The following PRKCB variants were observed in gnomAD, a reference collection of about 807,000 sequenced individuals.
PRKCB encodes the protein protein kinase C beta.
PRKCB carries 13 observed loss-of-function variants against 81.5 expected under a neutral mutation model. The observed-to-expected ratio is 0.16, with a 90% confidence interval of 0.10 to 0.25. The LOEUF is 0.25. Ranked by LOEUF, PRKCB falls within the 10% of genes least tolerant of loss-of-function variation. The pLI is 1.00. For synonymous variants in PRKCB, 335 were observed against 321.4 expected, an observed-to-expected ratio of 1.04 and a Z score of -0.45; for missense variants, 509 against 875.7, an observed-to-expected ratio of 0.58 and a Z score of 5.29.
At chr16:23,858,253 A>C (rs1962604805) in intron 2 of PRKCB, among the ~76,000 whole-genome samples, 1 of 152,230 alleles carries the variant, frequency 6.6e-6, no homozygotes, top group Non-Finnish European at 1.5e-5. Context: ...AGAGAAGATA[A>C]AACATTTGCT....
intron 5 of PRKCB, among the ~76,000 whole-genome samples, chr16:24,043,550 C>A (rs1159971890): frequency 6.6e-6 from 1 of 152,096 alleles, no homozygotes; most frequent in Non-Finnish European, 1.5e-5. Flanking sequence ...GGGTCTCTTG[C>A]CCATCCTTCC....
intron 2 of PRKCB, among the ~76,000 whole-genome samples, chr16:23,916,347 G>A (rs1963739623): frequency 6.6e-6 from 1 of 151,428 alleles, no homozygotes; most frequent in Non-Finnish European, 1.5e-5. Flanking sequence ...ACAGGCTTGA[G>A]CACCATGCTC....
intron 5 of PRKCB, among the ~76,000 whole-genome samples, chr16:24,083,666 G>T (rs1396456895): frequency 6.6e-6 from 1 of 152,128 alleles, no homozygotes; most frequent in African/African-American, 2.4e-5. Flanking sequence ...GTGGTTGCCA[G>T]GGGCTGAGGA....
chr16:23,975,864 A>C (rs762275379), intron 2 of PRKCB, among the ~76,000 whole-genome samples: 4 of 127,996 alleles, frequency 3.1e-5, no homozygotes, highest in African/African-American at 5.2e-5. Context: ...CACAAGAGAC[A>C]AAAAAAACAA....
intron 5 of PRKCB, among the ~76,000 whole-genome samples, chr16:24,043,625 G>T (rs1488114754): frequency 6.6e-6 from 1 of 152,144 alleles, no homozygotes. Context: ...TGGGATACTG[G>T]ACCTAAGGAG....
chr16:24,138,916 A>C (rs1460811989), intron 9 of PRKCB, among the ~76,000 whole-genome samples: 4 of 145,474 alleles, frequency 2.7e-5, no homozygotes, highest in Non-Finnish European at 4.5e-5. Context: ...GCAATGGCAC[A>C]ATCTCGGCTC....
At chr16:24,185,635 A>G (rs535490111) in intron 15 of PRKCB, 68 bp downstream of exon 15, 10 of 1,314,336 alleles carry the variant, frequency 7.6e-6, no homozygotes, top group Admixed American at 5.2e-5. Context: ...ACCTTGCCCA[A>G]GAACACCCCA....
At chr16:24,119,111 A>C (rs1313786807) in intron 8 of PRKCB, among the ~76,000 whole-genome samples, 1 of 139,480 alleles carries the variant, frequency 7.2e-6, no homozygotes, top group East Asian at 2.2e-4. Flanking sequence ...GACCAGACCA[A>C]CAGGGTTATC....
At chr16:23,924,240 C>G (rs1597247864) in intron 2 of PRKCB, among the ~76,000 whole-genome samples, 1 of 152,052 alleles carries the variant, frequency 6.6e-6, no homozygotes, top group East Asian at 1.9e-4. Context: ...GTGAGAAGGT[C>G]CAAGCTTGCT....
intron 2 of PRKCB, among the ~76,000 whole-genome samples, chr16:23,838,935 A>C (rs1386588892): frequency 1.3e-5 from 2 of 152,234 alleles, no homozygotes; most frequent in Non-Finnish European, 2.9e-5. Flanking sequence ...ATTGTTTTCT[A>C]GAACTTTGAC....
chr16:23,936,621 CAG>C (rs1460148712), intron 2 of PRKCB, among the ~76,000 whole-genome samples: 1 of 126,278 alleles, frequency 7.9e-6, no homozygotes, highest in Non-Finnish European at 1.6e-5. Context: ...TTGGTAGAGA[CAG>C]AGTTTCACCA....
At chr16:24,132,885 A>G (rs938410979) in intron 9 of PRKCB, among the ~76,000 whole-genome samples, 6 of 150,626 alleles carry the variant, frequency 4.0e-5, no homozygotes, top group Non-Finnish European at 2.9e-5. Flanking sequence ...GGCTCAAGTG[A>G]TCTGCCTGCC....
chr16:24,000,682 A>G (rs945484815), intron 3 of PRKCB, among the ~76,000 whole-genome samples: 1 of 152,246 alleles, frequency 6.6e-6, no homozygotes, highest in Non-Finnish European at 1.5e-5. Context: ...CATGTAGCTA[A>G]GGCCATTTCC....
At chr16:24,070,065 G>C (rs1966088405) in intron 5 of PRKCB, among the ~76,000 whole-genome samples, 1 of 152,164 alleles carries the variant, frequency 6.6e-6, no homozygotes, top group Non-Finnish European at 1.5e-5. Flanking sequence ...AGGTGTCCTG[G>C]GCAACCAGGG....
At chr16:24,194,677 T>C (rs2141982358) in intron 16 of PRKCB, among the ~76,000 whole-genome samples, 1 of 151,062 alleles carries the variant, frequency 6.6e-6, no homozygotes, top group East Asian at 1.9e-4. Flanking sequence ...TTATTATCAT[T>C]GATAATATAA....
chr16:24,113,334 C>T (rs960917119), intron 8 of PRKCB, among the ~76,000 whole-genome samples: 69 of 151,272 alleles, frequency 4.6e-4, no homozygotes, highest in Non-Finnish European at 9.4e-4. Flanking sequence ...TTCTTTCTTG[C>T]TTGCTTTCTT....
chr16:24,060,809 T>C (rs886574107), intron 5 of PRKCB, among the ~76,000 whole-genome samples: 10 of 152,316 alleles, frequency 6.6e-5, no homozygotes, highest in East Asian at 3.9e-4. Flanking sequence ...TGCAGCTACA[T>C]TGCAGTTCAG....
intron 5 of PRKCB, among the ~76,000 whole-genome samples, chr16:24,063,056 T>C (rs1302455202): frequency 1.3e-5 from 2 of 152,040 alleles, no homozygotes; most frequent in South Asian, 2.1e-4. Context: ...TCCAGCAGTA[T>C]CAGAAGGCCC....
At chr16:24,177,854 G>A (rs72640490) in intron 12 of PRKCB, among the ~76,000 whole-genome samples, 14,277 of 152,108 alleles carry the variant, frequency 0.094, 751 homozygotes, top group East Asian at 0.19. Flanking sequence ...AAGATTCTAT[G>A]AGCTCCCCAA....
Sources: allele counts gnomAD v4.1 joint callset (sites outside exome capture counted in the v4.1 genomes callset), GRCh38; gene constraint gnomAD v4.1.1; transcripts MANE v1.5; gene names NCBI Gene and HGNC (gene_info 2026-07-23, HGNC 2026-07-21).